The following TAB2 variants were observed in gnomAD, a reference collection of about 807,000 sequenced individuals.
TAB2 encodes TGF-beta activated kinase 1 (MAP3K7) binding protein 2, also known as TGF-beta-activated kinase 1 and MAP3K7-binding protein 2.
Under a neutral mutation model 65.0 loss-of-function variants are expected in TAB2, and 3 were observed. The observed-to-expected ratio is 0.05, with a 90% CI of 0.02 to 0.12. TAB2 has a LOEUF of 0.12. TAB2 is among the 10% of genes least tolerant of loss of function. The probability of loss-of-function intolerance (pLI) is 1.00; values close to 1 mark genes in which losing one functional copy is unlikely to be tolerated. For synonymous variants in TAB2, 298 were observed against 285.1 expected, an observed-to-expected ratio of 1.05 and a Z score of -0.46; for missense variants, 623 against 840.3, an observed-to-expected ratio of 0.74 and a Z score of 3.20.
intron 3 of TAB2, among the ~76,000 whole-genome samples, chr6:149,380,806 A>G (rs778100042): frequency 3.9e-5 from 6 of 152,104 alleles, no homozygotes; most frequent in Non-Finnish European, 8.8e-5. Context: ...CCTTTTTTAC[A>G]TTTCTGATAC....
Position 149,379,035 on chromosome 6 carries a change from C to G in TAB2, c.1120C>G (p.Pro374Ala). ...CACTGTTTACATAGCTGCCAGCCCC[C>G]CAAATACGGATGAGCTGATGTCCCG... ...QPTVYIAASP[P>A]NTDELMSRSQ... The change falls in exon 3 of 7, where the codon CCA becomes GCA. Residue 374 changes from proline to alanine, a missense_variant. Pro to Ala is a conservative substitution (Grantham distance 27, BLOSUM62 -1). Transcript: ENST00000637181. The G allele has an allele frequency of 1.9e-6, 3 of 1,614,200 alleles. No homozygotes were observed. Among genetic ancestry groups the G allele is most frequent in the East Asian group, 4.5e-5 (2 of 44,884 alleles).
intron 3 of TAB2, among the ~76,000 whole-genome samples, chr6:149,382,120 T>C (rs551754503): frequency 7.9e-5 from 12 of 152,326 alleles, no homozygotes; most frequent in African/African-American, 2.9e-4. Context: ...TCCCCCCAGC[T>C]CTTTTCCTTT....
intron 1 of TAB2, among the ~76,000 whole-genome samples, chr6:149,369,248 C>T (rs1314985893): frequency 1.3e-5 from 2 of 152,108 alleles, no homozygotes; most frequent in African/African-American, 2.4e-5. Context: ...TTTTCAACTT[C>T]GACCACACAT....
At chr6:149,353,570 T>C (rs1780559740) in intron 1 of TAB2, among the ~76,000 whole-genome samples, 1 of 152,208 alleles carries the variant, frequency 6.6e-6, no homozygotes, top group Non-Finnish European at 1.5e-5. Flanking sequence ...CCTTTAAGTC[T>C]TTGTAAAATA....
intron 1 of TAB2, among the ~76,000 whole-genome samples, chr6:149,295,311 A>T (rs1778854863): frequency 6.6e-6 from 1 of 152,140 alleles, no homozygotes; most frequent in African/African-American, 2.4e-5. Flanking sequence ...CTGTTTCACT[A>T]CAGTGGGTTC....
At chr6:149,375,767 A>G (rs563518685) in intron 2 of TAB2, among the ~76,000 whole-genome samples, 2 of 152,304 alleles carry the variant, frequency 1.3e-5, no homozygotes, top group South Asian at 4.1e-4. Flanking sequence ...TCGTTGATAA[A>G]GATTGTGATC....
intron 1 of TAB2, among the ~76,000 whole-genome samples, chr6:149,321,959 A>G (rs1779468534): frequency 6.6e-6 from 1 of 152,160 alleles, no homozygotes; most frequent in Non-Finnish European, 1.5e-5. Context: ...GTGTAATGTA[A>G]AACTTTAATA....
intron 1 of TAB2, among the ~76,000 whole-genome samples, chr6:149,368,174 T>C (rs990856918): frequency 2.6e-5 from 4 of 151,852 alleles, no homozygotes; most frequent in African/African-American, 9.7e-5. Flanking sequence ...TGCCAGTAAG[T>C]AGAAGGAAAG....
intron 1 of TAB2, among the ~76,000 whole-genome samples, chr6:149,339,397 A>G (rs899227621): frequency 4.6e-5 from 7 of 152,140 alleles, no homozygotes; most frequent in African/African-American, 1.7e-4. Context: ...AAAAAAATCT[A>G]AGATATAATT....
chr6:149,219,306 T>TTGTGTGTGTGTGTG (rs3064238), intron 1 of TAB2, among the ~76,000 whole-genome samples: 115 of 146,222 alleles, frequency 7.9e-4, no homozygotes, highest in South Asian at 5.1e-3. Context: ...ATTTTAACAT[T>TTGTGTGTGTGTGTG]TGTGTGTGTG....
At chr6:149,383,322 A>T (rs945239717) in intron 3 of TAB2, among the ~76,000 whole-genome samples, 2 of 152,214 alleles carry the variant, frequency 1.3e-5, no homozygotes, top group African/African-American at 4.8e-5. Flanking sequence ...CTACCAAGAA[A>T]GCAGGTTTCT....
intron 2 of TAB2, 23 bp downstream of exon 2, chr6:149,370,122 AT>A: frequency 6.3e-7 from 1 of 1,585,182 alleles, no homozygotes; most frequent in Non-Finnish European, 8.7e-7. Flanking sequence ...TGATTTCTGA[AT>A]TTGTTAATAC....
At chr6:149,339,593 ATTTATTTATTTATT>A (rs1562422715) in intron 1 of TAB2, among the ~76,000 whole-genome samples, 1 of 15,442 alleles carries the variant, frequency 6.5e-5, no homozygotes. Flanking sequence ...TTTTTTATTT[ATTTATTTATTTATT>A]TTTTTTTTTT....
At chr6:149,278,819 C>T (rs771302631) in intron 1 of TAB2, among the ~76,000 whole-genome samples, 8 of 152,010 alleles carry the variant, frequency 5.3e-5, no homozygotes, top group Non-Finnish European at 1.0e-4. Context: ...TGGCTCATGC[C>T]TGCAATTCCA....
intron 1 of TAB2, among the ~76,000 whole-genome samples, chr6:149,234,864 GA>G (rs386408903): frequency 0.039 from 3,678 of 95,416 alleles, 119 homozygotes; most frequent in African/African-American, 0.11. Context: ...TAGAGAGTGT[GA>G]AAAAAAAAAA....
At chr6:149,354,877 G>T (rs1227257128) in intron 1 of TAB2, among the ~76,000 whole-genome samples, 1 of 152,104 alleles carries the variant, frequency 6.6e-6, no homozygotes, top group Non-Finnish European at 1.5e-5. Context: ...GTTTTTGGTT[G>T]TTTATCATTA....
chr6:149,300,444 G>A (rs1049313114), intron 1 of TAB2, among the ~76,000 whole-genome samples: 7 of 152,104 alleles, frequency 4.6e-5, no homozygotes, highest in African/African-American at 1.7e-4. Flanking sequence ...ATAAAATAAG[G>A]GAGTTGGATG....
chr6:149,228,060 C>T (rs1008586080), intron 1 of TAB2, among the ~76,000 whole-genome samples: 6 of 152,108 alleles, frequency 3.9e-5, no homozygotes, highest in African/African-American at 1.4e-4. Flanking sequence ...TAGCACCACC[C>T]TATCTGATCA....
rs1158079303 is a variant in TAB2 at position 149,254,104 on chromosome 6, A to AGGAG, written c.-121+35331_-121+35332insGGGA. 1.0e-4 allele frequency among the ~76,000 whole-genome samples: 12 copies of AGGAG among 120,248 alleles called. 1 individual carries two copies. Among genetic ancestry groups the AGGAG allele is most frequent in the Admixed American group, 2.6e-4 (3 of 11,598 alleles). The allele number at this position is 120,248 out of a possible 152,430, so 78.9% of individuals were successfully genotyped here. A position where few individuals can be genotyped will look rare whatever the true frequency, so the allele number is the denominator to read the frequency against. On this transcript the variant is annotated intron_variant, in intron 1 of 1. Transcript: ENST00000606202. ...AAGGAAGGAAGGAAGGAAGGAAGGA[A>AGGAG]GGAAGGAAGGACAGGGAAGGGAAGG...
Sources: gnomAD v4.1 joint callset for allele counts (sites outside exome capture counted in the v4.1 genomes callset) on GRCh38, gnomAD v4.1.1 for gene constraint, MANE v1.5 for transcripts, NCBI Gene and HGNC (gene_info 2026-07-23, HGNC 2026-07-21) for gene names.